The following ABCB11 variants were observed in gnomAD, a reference collection of about 807,000 sequenced individuals.
ABCB11 encodes ATP binding cassette subfamily B member 11.
Under a neutral mutation model 148.0 loss-of-function variants are expected in ABCB11, and 95 were observed. The observed-to-expected ratio is 0.64, with a 90% CI of 0.54 to 0.76. The LOEUF (loss-of-function observed/expected upper bound fraction) is 0.76, where lower values mean the gene tolerates loss of function less well. Ranked by LOEUF, ABCB11 falls within the 30% of genes least tolerant of loss-of-function variation. The pLI, the probability that ABCB11 is intolerant of heterozygous loss-of-function variation, is 0.00. For synonymous variants in ABCB11, 591 were observed against 555.4 expected (o/e 1.06, Z -0.90); for missense variants, 1,523 against 1,617.8 (o/e 0.94, Z 1.01).
intron 5 of ABCB11, among the ~76,000 whole-genome samples, chr2:169,010,571 A>G (rs1445855688): frequency 1.3e-5 from 2 of 152,222 alleles, no homozygotes; most frequent in Non-Finnish European, 2.9e-5. Context: ...CATCTATTGT[A>G]ATAAAAGGAG....
At chr2:169,017,394 A>G (rs964037383) in intron 2 of ABCB11, among the ~76,000 whole-genome samples, 1 of 152,184 alleles carries the variant, frequency 6.6e-6, no homozygotes, top group Non-Finnish European at 1.5e-5. Context: ...GAGCTTTGTC[A>G]TTCAACACTA....
chr2:168,954,093 C>T (rs939744023), intron 19 of ABCB11, among the ~76,000 whole-genome samples: 1 of 151,628 alleles, frequency 6.6e-6, no homozygotes, highest in African/African-American at 2.4e-5. Flanking sequence ...AATAAACTTT[C>T]TAAATTAACT....
chr2:168,939,596 C>A (rs1242646370), intron 21 of ABCB11, among the ~76,000 whole-genome samples: 1 of 151,940 alleles, frequency 6.6e-6, no homozygotes, highest in Non-Finnish European at 1.5e-5. Flanking sequence ...TTTTGTCTTG[C>A]TTGAGAGAAT....
intron 3 of ABCB11, among the ~76,000 whole-genome samples, chr2:169,015,441 C>T (rs2106052155): frequency 6.6e-6 from 1 of 152,252 alleles, no homozygotes; most frequent in East Asian, 1.9e-4. Context: ...GACCTCACCT[C>T]CTCCAACTAT....
intron 14 of ABCB11, among the ~76,000 whole-genome samples, chr2:168,971,418 T>C (rs1693573973): frequency 6.6e-6 from 1 of 152,062 alleles, no homozygotes; most frequent in African/African-American, 2.4e-5. Flanking sequence ...TGAATTGTTT[T>C]TGACACAATA....
In ABCB11 at chr2:168,972,058, G is replaced by A. The variant is rs1203404976; in HGVS notation, c.1435-8C>T. 1.2e-6 allele frequency: 2 copies of A among 1,609,852 alleles called. No individual in the cohort carries two copies. Among genetic ancestry groups the A allele is most frequent in the African/African-American group, 2.7e-5 (2 of 74,786 alleles). On this transcript the variant is annotated splice_region_variant and splice_polypyrimidine_tract_variant and intron_variant, in intron 13 of 27. Transcript: ENST00000650372. Reference sequence around the variant, plus strand: ...ATGGCCATCCACGGTCACCTAGAGAGCATGGGCACAACATCACAACTTTTG... The same window carrying A: ...ATGGCCATCCACGGTCACCTAGAGAACATGGGCACAACATCACAACTTTTG...
Position 168,990,782 on chromosome 2 carries a change from C to A in ABCB11, c.908+19G>T, listed in dbSNP as rs763608034. The A allele has an allele frequency of 1.9e-6, 3 of 1,612,008 alleles. No homozygotes were observed. The highest frequency in any genetic ancestry group is 1.7e-6 in the Non-Finnish European group (2 of 1,178,956). ...TGATTGATGAAATTAAGGAAAGAATCAGATTCCAATTAACCAACCTTTCAA... is the reference window on the plus strand; with the variant it reads ...TGATTGATGAAATTAAGGAAAGAATAAGATTCCAATTAACCAACCTTTCAA... On this transcript the variant is annotated intron_variant, in intron 9 of 27. Transcript: ENST00000650372.
intron 18 of ABCB11, among the ~76,000 whole-genome samples, chr2:168,961,365 A>G (rs1023567392): frequency 1.3e-5 from 2 of 151,742 alleles, no homozygotes; most frequent in African/African-American, 2.4e-5. Context: ...TTAAGATTTG[A>G]TGATAAAAAG....
At chr2:168,977,102 A>G in intron 11 of ABCB11, among the ~76,000 whole-genome samples, 1 of 148,614 alleles carries the variant, frequency 6.7e-6, no homozygotes, top group East Asian at 2.0e-4. Flanking sequence ...TTATATAATA[A>G]TACATATATA....
chr2:168,966,825 T>C (rs575811191), intron 17 of ABCB11, among the ~76,000 whole-genome samples: 2 of 152,016 alleles, frequency 1.3e-5, no homozygotes, highest in African/African-American at 4.8e-5. Context: ...TACAAATCTT[T>C]CTCTGCAGGA....
intron 17 of ABCB11, 53 bp from the exon 18 acceptor site, chr2:168,964,361 G>A: frequency 7.4e-7 from 1 of 1,355,254 alleles, no homozygotes; most frequent in African/African-American, 1.5e-5. Context: ...GATTGGAGCA[G>A]GATCAACTGG....
intron 19 of ABCB11, among the ~76,000 whole-genome samples, chr2:168,952,625 T>C (rs1692616904): frequency 6.6e-6 from 1 of 151,166 alleles, no homozygotes; most frequent in Non-Finnish European, 1.5e-5. Flanking sequence ...TAGCTAGCAG[T>C]TTATCAATTT....
chr2:168,922,968 G>A lies in ABCB11; in HGVS notation c.*654C>T, dbSNP rs1220032161. On this transcript the variant is annotated 3_prime_UTR_variant, in exon 28 of 28. Transcript: ENST00000650372. ...TCACCACCCCTACACTCACTCTGAA[G>A]TTAAAGCATAAATCAACAGCCCTAA... The A allele has an allele frequency of 6.5e-6, 1 of 153,240 alleles. No homozygotes were observed. The highest frequency in any genetic ancestry group is 2.4e-5 in the African/African-American group (1 of 41,434). 9.5% of individuals were successfully genotyped at this position (153,240 alleles called of 1,614,324 possible). A position where few individuals can be genotyped will look rare whatever the true frequency, so the allele number is the denominator to read the frequency against.
intron 22 of ABCB11, 69 bp from the exon 23 acceptor site, chr2:168,935,494 T>G: frequency 6.5e-7 from 1 of 1,541,644 alleles, no homozygotes; most frequent in Non-Finnish European, 8.8e-7. Context: ...TTTCAGTGGC[T>G]GCCTGGATTA....
In ABCB11 at chr2:169,006,513, C is replaced by T. The variant is rs1695023217; in HGVS notation, c.389+6759G>A. 2.0e-5 allele frequency among the ~76,000 whole-genome samples: 3 copies of T among 152,048 alleles called. No homozygotes were observed. In the South Asian group the frequency reaches 6.2e-4, roughly 32 times the overall value. On this transcript the variant is annotated intron_variant, in intron 5 of 27. Coordinates refer to ENST00000650372, the MANE Select transcript of ABCB11 (RefSeq NM_003742.4). ...GATGTGTGCTCTCACCACTTCTACT[C>T]AACATTGTACTGGAGGTTTGGGCCA...
chr2:168,916,455 G>A (rs907715168), downstream of ABCB11, among the ~76,000 whole-genome samples: 1 of 152,066 alleles, frequency 6.6e-6, no homozygotes, highest in African/African-American at 2.4e-5. Context: ...TGCCAATCAC[G>A]AGTACCCTGA....
intron 5 of ABCB11, among the ~76,000 whole-genome samples, chr2:169,010,415 G>T (rs566740463): frequency 6.6e-6 from 1 of 151,902 alleles, no homozygotes; most frequent in African/African-American, 2.4e-5. Context: ...CATCTGGAAG[G>T]CTTTAACTTA....
At chr2:169,012,913 G>T (rs1042485226) in intron 5 of ABCB11, among the ~76,000 whole-genome samples, 1 of 151,848 alleles carries the variant, frequency 6.6e-6, no homozygotes, top group Admixed American at 6.6e-5. Flanking sequence ...GGGAGTTGGT[G>T]GGGGGGAAAA....
intron 24 of ABCB11, among the ~76,000 whole-genome samples, chr2:168,931,913 G>C (rs1691583070): frequency 6.6e-6 from 1 of 152,168 alleles, no homozygotes; most frequent in Admixed American, 6.5e-5. Flanking sequence ...CAGGAATTTA[G>C]AAGCCAAGTG....
Sources: allele counts gnomAD v4.1 joint callset (sites outside exome capture counted in the v4.1 genomes callset), GRCh38; gene constraint gnomAD v4.1.1; transcripts MANE v1.5; gene names NCBI Gene and HGNC (gene_info 2026-07-23, HGNC 2026-07-21).